TMEM40: variants seen among roughly 807,000 people sequenced by gnomAD.
The protein encoded by TMEM40 is transmembrane protein 40.
Under a neutral mutation model 40.8 loss-of-function variants are expected in TMEM40, and 34 were observed. That is an observed-to-expected ratio of 0.83 (90% CI 0.63 to 1.11). The LOEUF is 1.11. Among genes scored for constraint, TMEM40 ranks in the 50% least tolerant of loss-of-function variants. The probability of loss-of-function intolerance (pLI) is 0.00; values close to 1 mark genes in which losing one functional copy is unlikely to be tolerated. For synonymous variants in TMEM40, 106 were observed against 107.0 expected, an observed-to-expected ratio of 0.99 and a Z score of 0.06; for missense variants, 296 against 280.2, an observed-to-expected ratio of 1.06 and a Z score of -0.40.
chr3:12,738,527 C>A (rs757356590), intron 6 of TMEM40, 26 bp downstream of exon 6: 17 of 1,613,612 alleles, frequency 1.1e-5, no homozygotes, highest in Admixed American at 1.0e-4. Context: ...GCACCAACGA[C>A]CTCTCTCCTC....
At chr3:12,753,827 A>G (rs372604071) in intron 1 of TMEM40, among the ~76,000 whole-genome samples, 3 of 152,072 alleles carry the variant, frequency 2.0e-5, no homozygotes, top group South Asian at 2.1e-4. Context: ...GCTAAACTGG[A>G]TTTCCCCTTC....
chr3:12,764,316 C>G (rs2061584982), intron 1 of TMEM40, among the ~76,000 whole-genome samples: 2 of 152,278 alleles, frequency 1.3e-5, no homozygotes, highest in South Asian at 2.1e-4. Context: ...AGTATTGTGT[C>G]CATTTCATGG....
intron 1 of TMEM40, among the ~76,000 whole-genome samples, chr3:12,751,556 G>A (rs972642618): frequency 6.6e-6 from 1 of 152,030 alleles, no homozygotes; most frequent in Non-Finnish European, 1.5e-5. Flanking sequence ...GGGATTACAG[G>A]CGTGAGCCAC....
chr3:12,753,389 T>G (rs2061494231), intron 1 of TMEM40, among the ~76,000 whole-genome samples: 1 of 151,676 alleles, frequency 6.6e-6, no homozygotes, highest in South Asian at 2.1e-4. Context: ...GCTAATTTTT[T>G]AGTTTTTATA....
At position 12,742,443 on chromosome 3, in the gene TMEM40, C is replaced by A. The variant is rs757945347; in HGVS notation, c.355+11G>T. On this transcript the variant is annotated intron_variant, in intron 5 of 11. Transcript: ENST00000314124. The stretch of plus-strand genomic sequence containing the variant: ...AATTGTTTTCTCCAAAGCTACTGGG[C>A]AACTGATTACCTCCATAGAGTTGAA... 4.3e-6 allele frequency: 7 copies of A among 1,613,066 alleles called. No homozygotes were observed. The highest frequency in any genetic ancestry group is 5.1e-6 in the Non-Finnish European group (6 of 1,179,290).
intron 1 of TMEM40, among the ~76,000 whole-genome samples, chr3:12,756,778 CCT>C (rs10644374): frequency 6.7e-6 from 1 of 150,356 alleles, no homozygotes. Context: ...TACCCACCTC[CCT>C]CTCTCTCTCT....
chr3:12,739,923 A>C (rs2061368118), intron 5 of TMEM40, among the ~76,000 whole-genome samples: 1 of 150,418 alleles, frequency 6.6e-6, no homozygotes, highest in Non-Finnish European at 1.5e-5. Flanking sequence ...TCTTGGGCTC[A>C]AGCAATCTTC....
At chr3:12,750,433 C>T (rs1353885399) in intron 1 of TMEM40, among the ~76,000 whole-genome samples, 4 of 152,254 alleles carry the variant, frequency 2.6e-5, no homozygotes, top group Non-Finnish European at 2.9e-5. Flanking sequence ...TTGACAGCTA[C>T]GTGCACAGGA....
chr3:12,739,999 T>C (rs1324286408), intron 5 of TMEM40, among the ~76,000 whole-genome samples: 1 of 147,908 alleles, frequency 6.8e-6, no homozygotes, highest in African/African-American at 2.5e-5. Context: ...CTCACAATCA[T>C]AATTTTACAT....
chr3:12,741,970 G>A (rs530987018), intron 5 of TMEM40, among the ~76,000 whole-genome samples: 2 of 152,184 alleles, frequency 1.3e-5, no homozygotes, highest in African/African-American at 4.8e-5. Flanking sequence ...GGTGGCTCAC[G>A]CCTGTAATCC....
chr3:12,767,553 G>A (rs565115422), intron 1 of TMEM40, among the ~76,000 whole-genome samples: 3 of 152,232 alleles, frequency 2.0e-5, no homozygotes, highest in South Asian at 2.1e-4. Context: ...ATGAAGTAAC[G>A]TACCCATCAG....
chr3:12,749,706 T>C (rs2061457964), intron 2 of TMEM40, 54 bp downstream of exon 2: 1 of 1,542,468 alleles, frequency 6.5e-7, no homozygotes, highest in South Asian at 1.1e-5. Context: ...CTTCTACTTT[T>C]GGACTCCACC....
At chr3:12,757,477 A>C (rs1178569438) in intron 1 of TMEM40, among the ~76,000 whole-genome samples, 1 of 152,084 alleles carries the variant, frequency 6.6e-6, no homozygotes, top group Non-Finnish European at 1.5e-5. Context: ...CTCAAAAAAA[A>C]AAAAAAAAAA....
chr3:12,765,970 C>T (rs1434213302), intron 1 of TMEM40, among the ~76,000 whole-genome samples: 1 of 152,124 alleles, frequency 6.6e-6, no homozygotes, highest in Non-Finnish European at 1.5e-5. Flanking sequence ...GATTCTCCCA[C>T]CTTAGACTAC....
At chr3:12,759,849 C>T (rs1427139744), upstream of TMEM40, among the ~76,000 whole-genome samples, 1 of 152,142 alleles carries the variant, frequency 6.6e-6, no homozygotes, top group Admixed American at 6.5e-5. Flanking sequence ...AGTGTCAGAC[C>T]TCACACAGCC....
intron 3 of TMEM40, 145 bp downstream of exon 3, chr3:12,748,510 C>T: frequency 1.7e-6 from 2 of 1,195,526 alleles, no homozygotes; most frequent in Non-Finnish European, 2.3e-6. Context: ...CGTAGAAGCA[C>T]ATGTAGACAG....
At chr3:12,755,213 T>TTCTTTCTCTCTCTCTCTC (rs1553634015) in intron 1 of TMEM40, among the ~76,000 whole-genome samples, 1 of 94,264 alleles carries the variant, frequency 1.1e-5, no homozygotes, top group African/African-American at 4.4e-5. Flanking sequence ...CTTTCTTTCT[T>TTCTTTCTCTCTCTCTCTC]TCTCTCTCTC....
intron 2 of TMEM40, among the ~76,000 whole-genome samples, chr3:12,749,401 C>G (rs2061455831): frequency 6.6e-6 from 1 of 152,238 alleles, no homozygotes; most frequent in South Asian, 2.1e-4. Flanking sequence ...TTAGGATCCT[C>G]TGTACATTAC....
intron 10 of TMEM40, among the ~76,000 whole-genome samples, chr3:12,735,914 A>T (rs1012276723): frequency 2.6e-5 from 4 of 152,228 alleles, no homozygotes; most frequent in African/African-American, 9.6e-5. Flanking sequence ...TTTATTTTAT[A>T]GACAGAGTCT....
Sources: gnomAD v4.1 joint callset for allele counts (sites outside exome capture counted in the v4.1 genomes callset) on GRCh38, gnomAD v4.1.1 for gene constraint, MANE v1.5 for transcripts, NCBI Gene and HGNC (gene_info 2026-07-23, HGNC 2026-07-21) for gene names.